COL26A1: variants seen among roughly 807,000 people sequenced by gnomAD.
COL26A1 encodes collagen type XXVI alpha 1 chain, also known as collagen alpha-1(XXVI) chain.
Under a neutral mutation model 59.3 loss-of-function variants are expected in COL26A1, and 41 were observed. The ratio of observed to expected loss-of-function variants is 0.69; its 90% CI spans 0.54 to 0.90. COL26A1 has a LOEUF of 0.90. Among genes scored for constraint, COL26A1 ranks in the 40% least tolerant of loss-of-function variants. COL26A1 has a pLI of 0.00. For synonymous variants in COL26A1, 266 were observed against 256.0 expected, an observed-to-expected ratio of 1.04 and a Z score of -0.37; for missense variants, 612 against 602.3, an observed-to-expected ratio of 1.02 and a Z score of -0.17.
chr7:101,515,430 T>A (rs1231145604), intron 3 of COL26A1, among the ~76,000 whole-genome samples: 1 of 152,008 alleles, frequency 6.6e-6, no homozygotes, highest in African/African-American at 2.4e-5. Flanking sequence ...ACTACAGGTG[T>A]GTGCCACCAC....
intron 3 of COL26A1, among the ~76,000 whole-genome samples, chr7:101,500,624 C>A (rs914417138): frequency 6.6e-6 from 1 of 152,064 alleles, no homozygotes. Flanking sequence ...TCGAGACCAG[C>A]CTGGCTAGCA....
intron 3 of COL26A1, among the ~76,000 whole-genome samples, chr7:101,494,936 A>G (rs1028951896): frequency 3.3e-5 from 5 of 152,080 alleles, no homozygotes; most frequent in African/African-American, 1.2e-4. Flanking sequence ...CTCTATGGGG[A>G]GAGGGGCTGC....
At chr7:101,512,826 T>G (rs1268062379) in intron 3 of COL26A1, among the ~76,000 whole-genome samples, 3 of 132,876 alleles carry the variant, frequency 2.3e-5, no homozygotes, top group Non-Finnish European at 5.1e-5. Flanking sequence ...TCCACCTCAT[T>G]CACAGATTAG....
At chr7:101,540,102 C>T (rs1795581506) in intron 5 of COL26A1, 53 bp downstream of exon 5, 2 of 1,546,830 alleles carry the variant, frequency 1.3e-6, no homozygotes, top group African/African-American at 1.4e-5. Context: ...GGACCTTGGG[C>T]ATGGCCTCCC....
intron 3 of COL26A1, among the ~76,000 whole-genome samples, chr7:101,459,893 G>A (rs1032429815): frequency 2.6e-5 from 4 of 152,110 alleles, no homozygotes; most frequent in African/African-American, 9.7e-5. Flanking sequence ...AGTCCAAGGC[G>A]ATGCTAACCA....
chr7:101,504,354 G>C (rs1374649507), intron 3 of COL26A1, among the ~76,000 whole-genome samples: 1 of 152,056 alleles, frequency 6.6e-6, no homozygotes, highest in Non-Finnish European at 1.5e-5. Context: ...GCTCGCCTCG[G>C]CCTCCCAAAC....
rs1794350997 is a variant in COL26A1, at chr7:101,489,657, C to CTTTCTT, written c.385+41871_385+41876dup. 1.0e-4 allele frequency among the ~76,000 whole-genome samples: 7 copies of CTTTCTT among 69,558 alleles called. No homozygotes were observed. In the South Asian group the frequency reaches 3.1e-3, roughly 31 times the overall value. The allele number at this position is 69,558 out of a possible 152,430, so 45.6% of individuals were successfully genotyped here. ...TCTTTCTTTCTTTCTTTCTTTCTTT[C>CTTTCTT]TTTCTTCCTTCCTTCCTTCCTTCCT... On this transcript the variant is annotated intron_variant, in intron 3 of 12. Transcript: ENST00000313669.
At chr7:101,505,330 CTG>C (rs753410944) in intron 3 of COL26A1, among the ~76,000 whole-genome samples, 1 of 151,602 alleles carries the variant, frequency 6.6e-6, no homozygotes. Context: ...TGTGGGCACT[CTG>C]TGTGTGCATG....
At chr7:101,385,774 G>A (rs572022523) in intron 1 of COL26A1, among the ~76,000 whole-genome samples, 2 of 151,364 alleles carry the variant, frequency 1.3e-5, no homozygotes, top group Middle Eastern at 3.2e-3. Flanking sequence ...GTGCGATCTC[G>A]GCTCACTGCA....
chr7:101,428,187 G>A (rs1048913068), intron 2 of COL26A1, among the ~76,000 whole-genome samples: 3 of 151,916 alleles, frequency 2.0e-5, no homozygotes, highest in African/African-American at 7.3e-5. Flanking sequence ...GTGAGACCCT[G>A]TCTCTACAAA....
intron 3 of COL26A1, among the ~76,000 whole-genome samples, chr7:101,472,576 C>A (rs17135432): frequency 0.021 from 3,130 of 152,242 alleles, 83 homozygotes; most frequent in African/African-American, 0.071. Context: ...CATGTATGGA[C>A]TGAGGCCATC....
chr7:101,453,693 A>T (rs1793399583), intron 3 of COL26A1, among the ~76,000 whole-genome samples: 1 of 152,108 alleles, frequency 6.6e-6, no homozygotes, highest in African/African-American at 2.4e-5. Context: ...AATTCCTGGG[A>T]GTCTGAGCCT....
chr7:101,509,976 T>C (rs1209823855), intron 3 of COL26A1, among the ~76,000 whole-genome samples: 11 of 149,898 alleles, frequency 7.3e-5, no homozygotes, highest in Non-Finnish European at 1.6e-4. Context: ...GATCTGCCAA[T>C]CTCAGCCTCC....
At chr7:101,407,535 T>C (rs1792155282) in intron 1 of COL26A1, among the ~76,000 whole-genome samples, 1 of 151,582 alleles carries the variant, frequency 6.6e-6, no homozygotes, top group Non-Finnish European at 1.5e-5. Context: ...ACAGTGGCCA[T>C]AGATATCTCC....
intron 7 of COL26A1, 102 bp from the exon 8 acceptor site, chr7:101,547,054 G>T (rs1174867326): frequency 6.6e-6 from 5 of 755,582 alleles, no homozygotes; most frequent in Non-Finnish European, 1.1e-5. Context: ...GAGCCCCCCT[G>T]GGCTTCGTGT....
At chr7:101,413,548 A>G (rs903681843) in intron 1 of COL26A1, among the ~76,000 whole-genome samples, 1 of 152,092 alleles carries the variant, frequency 6.6e-6, no homozygotes, top group Non-Finnish European at 1.5e-5. Flanking sequence ...AAAGGAAAGG[A>G]AAGAAAAAGA....
chr7:101,440,714 C>T (rs189474430), intron 2 of COL26A1, among the ~76,000 whole-genome samples: 16 of 152,272 alleles, frequency 1.1e-4, no homozygotes, highest in African/African-American at 3.1e-4. Flanking sequence ...GCCTGTAATC[C>T]CAGCACTTTG....
chr7:101,496,215 G>C (rs1473654427), intron 3 of COL26A1, among the ~76,000 whole-genome samples: 2 of 152,236 alleles, frequency 1.3e-5, no homozygotes, highest in Non-Finnish European at 1.5e-5. Context: ...ACTCCTACTG[G>C]TCAGAGTCTA....
intron 9 of COL26A1, among the ~76,000 whole-genome samples, chr7:101,550,695 A>G (rs1795841642): frequency 6.6e-6 from 1 of 152,018 alleles, no homozygotes; most frequent in Non-Finnish European, 1.5e-5. Context: ...CCTCATGGTC[A>G]GCTGGGTGGC....
Sources: gnomAD v4.1 joint callset for allele counts (sites outside exome capture counted in the v4.1 genomes callset) on GRCh38, gnomAD v4.1.1 for gene constraint, MANE v1.5 for transcripts, NCBI Gene and HGNC (gene_info 2026-07-23, HGNC 2026-07-21) for gene names.